TSPEAR: variants seen among roughly 807,000 people sequenced by gnomAD.
The protein encoded by TSPEAR is thrombospondin-type laminin G domain and EAR repeat-containing protein.
TSPEAR carries 69 observed loss-of-function variants against 71.6 expected under a neutral mutation model. That is an observed-to-expected ratio of 0.96 (90% CI 0.79 to 1.18). The LOEUF (loss-of-function observed/expected upper bound fraction) is 1.18. TSPEAR is among the 50% of genes most tolerant of loss of function. The pLI, the probability that TSPEAR is intolerant of heterozygous loss-of-function variation, is 0.00. For synonymous variants in TSPEAR, 402 were observed against 387.2 expected (o/e 1.04, Z -0.45); for missense variants, 971 against 894.9 (o/e 1.09, Z -1.09).
intron 2 of TSPEAR, among the ~76,000 whole-genome samples, chr21:44,556,744 GATT>G (rs2053537737): frequency 6.6e-6 from 1 of 152,164 alleles, no homozygotes; most frequent in Non-Finnish European, 1.5e-5. Flanking sequence ...CTGTTGATGA[GATT>G]GTTTGACCCA....
intron 11 of TSPEAR, 80 bp from the exon 12 acceptor site, chr21:44,500,016 C>A: frequency 7.0e-7 from 1 of 1,437,010 alleles, no homozygotes; most frequent in South Asian, 1.3e-5. Flanking sequence ...CCCGCGCTGT[C>A]AGGGACCCAG....
chr21:44,635,423 G>T (rs1983498774), intron 1 of TSPEAR, among the ~76,000 whole-genome samples: 1 of 151,714 alleles, frequency 6.6e-6, no homozygotes. Context: ...ACCCAAAAGT[G>T]CATTAGCAGA....
At chr21:44,501,370 C>G (rs1038943903) in intron 11 of TSPEAR, among the ~76,000 whole-genome samples, 26 of 152,110 alleles carry the variant, frequency 1.7e-4, no homozygotes, top group Non-Finnish European at 2.5e-4. Context: ...CCGAGGCGGG[C>G]AGATCACAAG....
chr21:44,666,337 G>C, intron 1 of TSPEAR: 2 of 1,255,586 alleles, frequency 1.6e-6, no homozygotes, highest in Non-Finnish European at 2.2e-6. Context: ...GTTCAACTGA[G>C]CATGCTTTTC....
intron 1 of TSPEAR, among the ~76,000 whole-genome samples, chr21:44,599,134 T>TTCTCTCTCTCTCTCTCTCGC (rs1980578371): frequency 1.1e-5 from 1 of 92,280 alleles, no homozygotes; most frequent in Non-Finnish European, 2.4e-5. Flanking sequence ...GGCCCCCATT[T>TTCTCTCTCTCTCTCTCTCGC]TCTCTCTCTC....
chr21:44,580,059 C>A (rs587654407), intron 1 of TSPEAR: 1 of 1,594,356 alleles, frequency 6.3e-7, no homozygotes, highest in Non-Finnish European at 8.6e-7. Context: ...CAGACAGGCA[C>A]GTAGCAGGAC....
At chr21:44,628,841 G>A (rs587754066) in intron 1 of TSPEAR, among the ~76,000 whole-genome samples, 1 of 152,276 alleles carries the variant, frequency 6.6e-6, no homozygotes, top group East Asian at 1.9e-4. Context: ...ACTCACAGAC[G>A]CTCAGGGATG....
At chr21:44,673,287 A>G (rs1555946336) in intron 1 of TSPEAR, among the ~76,000 whole-genome samples, 1 of 152,232 alleles carries the variant, frequency 6.6e-6, no homozygotes, top group East Asian at 1.9e-4. Context: ...AGACAAGGAT[A>G]CTATACTCAG....
intron 1 of TSPEAR, chr21:44,677,057 C>A: frequency 1.3e-6 from 1 of 756,794 alleles, no homozygotes; most frequent in South Asian, 1.4e-5. Flanking sequence ...GCTTGGCCCA[C>A]CAGCTCATGA....
chr21:44,600,885 G>C (rs782731268), intron 1 of TSPEAR: 3 of 1,608,766 alleles, frequency 1.9e-6, no homozygotes, highest in South Asian at 2.2e-5. Context: ...GCACGCCCTC[G>C]TGCTGCCAGC....
intron 1 of TSPEAR, among the ~76,000 whole-genome samples, chr21:44,685,661 G>C (rs549972348): frequency 2.0e-5 from 3 of 152,230 alleles, no homozygotes. Context: ...CAACGTGGCT[G>C]ATGTTTTCAT....
chr21:44,531,409 T>C (rs1036793501), intron 3 of TSPEAR, among the ~76,000 whole-genome samples: 1 of 152,192 alleles, frequency 6.6e-6, no homozygotes, highest in African/African-American at 2.4e-5. Flanking sequence ...CCTGTGGCCA[T>C]GTCGCTCCAG....
intron 9 of TSPEAR, among the ~76,000 whole-genome samples, chr21:44,514,796 G>A (rs116310099): frequency 0.02 from 3,107 of 152,078 alleles, 106 homozygotes; most frequent in African/African-American, 0.069. Flanking sequence ...TGGTGGGATG[G>A]GCAGAAAGAC....
Position 44,528,474 on chromosome 21 carries a change from G to T in TSPEAR, c.900C>A (p.Asn300Lys). The T allele has an allele frequency of 6.2e-6, 10 of 1,613,968 alleles. No individual in the cohort carries two copies. The highest frequency in any genetic ancestry group is 8.5e-6 in the Non-Finnish European group (10 of 1,179,962). ...SRKGLYLCVGNEWVSVLAAKE... is the reference protein window; with the variant it reads ...SRKGLYLCVGKEWVSVLAAKE... Reference sequence around the variant, plus strand: ...CACCTGCTAACACGGAGACCCACTCGTTGCCAACACACAGATACAGGCCCT... The same window carrying T: ...CACCTGCTAACACGGAGACCCACTCTTTGCCAACACACAGATACAGGCCCT... The change falls in exon 6 of 12, where the codon AAC becomes AAA. Residue 300 changes from asparagine (N) to lysine (K), a missense_variant. By Grantham distance (94) the Asn-to-Lys change is moderately conservative (BLOSUM62 0). Transcript: ENST00000323084.
chr21:44,664,959 C>T (rs189539346), intron 1 of TSPEAR, among the ~76,000 whole-genome samples: 235 of 152,332 alleles, frequency 1.5e-3, no homozygotes, highest in Non-Finnish European at 2.4e-3. Context: ...CCAACCCTCC[C>T]TCCTCTCATG....
intron 9 of TSPEAR, chr21:44,517,751 C>T (rs965619812): frequency 2.1e-6 from 1 of 471,146 alleles, no homozygotes; most frequent in Non-Finnish European, 4.4e-6. Flanking sequence ...CACTCGCCTT[C>T]AGAACACTGA....
chr21:44,684,004 C>A (rs1240262412), intron 1 of TSPEAR, among the ~76,000 whole-genome samples: 1 of 152,190 alleles, frequency 6.6e-6, no homozygotes, highest in Non-Finnish European at 1.5e-5. Flanking sequence ...CAGAAAGCCC[C>A]CAGTAGGATA....
At chr21:44,518,256 C>T in intron 9 of TSPEAR, 1 of 462,372 alleles carries the variant, frequency 2.2e-6, no homozygotes, top group Non-Finnish European at 4.4e-6. Flanking sequence ...CTGACTCCTG[C>T]AGTTTTCAGG....
chr21:44,600,533 C>A, intron 1 of TSPEAR: 1 of 1,450,686 alleles, frequency 6.9e-7, no homozygotes, highest in South Asian at 1.3e-5. Context: ...ATATAAAAGC[C>A]AACATCCCTG....
Sources: gnomAD v4.1 joint callset for allele counts (sites outside exome capture counted in the v4.1 genomes callset) on GRCh38, gnomAD v4.1.1 for gene constraint, MANE v1.5 for transcripts, NCBI Gene and HGNC (gene_info 2026-07-23, HGNC 2026-07-21) for gene names.